The following TMCC3 variants were observed in gnomAD, a reference collection of about 807,000 sequenced individuals.
TMCC3 encodes transmembrane and coiled-coil domain protein 3.
Under a neutral mutation model 40.2 loss-of-function variants are expected in TMCC3, and 28 were observed. That is an observed-to-expected ratio of 0.70 (90% confidence interval 0.52 to 0.95). The LOEUF (loss-of-function observed/expected upper bound fraction) is 0.95, where lower values mean the gene tolerates loss of function less well. TMCC3 is among the 40% of genes least tolerant of loss of function. TMCC3 has a pLI of 0.00. For missense variants in TMCC3, 554 were observed against 615.2 expected (o/e 0.90, Z 1.05); for synonymous variants, 255 against 248.5 (o/e 1.03, Z -0.25).
chr12:94,579,159 C>T (rs1007399167), intron 2 of TMCC3, among the ~76,000 whole-genome samples: 11 of 152,182 alleles, frequency 7.2e-5, no homozygotes, highest in African/African-American at 2.4e-4. Context: ...AACAGAAGTA[C>T]AAAGATTCTC....
intron 1 of TMCC3, among the ~76,000 whole-genome samples, chr12:94,624,727 T>A (rs201584742): frequency 0.1 from 14,693 of 140,714 alleles, 831 homozygotes; most frequent in South Asian, 0.17. Context: ...TAAAAAAAAA[T>A]ATATTGTTCA....
At chr12:94,642,800 T>C (rs1202553689) in intron 1 of TMCC3, among the ~76,000 whole-genome samples, 1 of 152,226 alleles carries the variant, frequency 6.6e-6, no homozygotes, top group Non-Finnish European at 1.5e-5. Context: ...GCTTTACACG[T>C]ACTACACCGT....
chr12:94,615,422 G>A (rs1207553119), intron 1 of TMCC3, among the ~76,000 whole-genome samples: 1 of 152,190 alleles, frequency 6.6e-6, no homozygotes, highest in African/African-American at 2.4e-5. Flanking sequence ...CCCCAACGTG[G>A]GCTGGGCAGC....
In TMCC3 at chr12:94,623,802, G is replaced by A. The variant is rs543458753; in HGVS notation, c.78+26551C>T. Among the ~76,000 whole-genome samples, 55 of 152,350 alleles carry A rather than the reference G, an allele frequency of 3.6e-4. No individual in the cohort carries two copies. In the South Asian group the frequency reaches 0.011, roughly 30 times the overall value. On this transcript the variant is annotated intron_variant, in intron 1 of 3. Transcript: ENST00000261226. The stretch of plus-strand genomic sequence containing the variant: ...TTCCAACCCTGGACCTCATGGTGGG[G>A]AGGACCAGGAAGCTCTGGGTGGCCT...
chr12:94,627,469 G>A (rs1480848433), intron 1 of TMCC3, among the ~76,000 whole-genome samples: 3 of 152,076 alleles, frequency 2.0e-5, no homozygotes, highest in Non-Finnish European at 2.9e-5. Flanking sequence ...CCAACAGCCC[G>A]GGAGATCCTT....
rs1198843313 is a variant in TMCC3, at chr12:94,568,052, A to G, written c.*3383T>C. The G allele has an allele frequency of 1.3e-5, 2 of 152,202 alleles. No homozygotes were observed. The highest frequency in any genetic ancestry group is 6.5e-5 in the Admixed American group (1 of 15,286). 9.4% of individuals were successfully genotyped at this position (152,202 alleles called of 1,614,324 possible). ...CAGAGCTGGAAAGAGCGAAAACCAC[A>G]TGAATGCTAATTGACAGAGAAGGAT... On this transcript the variant is annotated 3_prime_UTR_variant, in exon 4 of 4. Coordinates refer to ENST00000261226, the MANE Select transcript of TMCC3 (RefSeq NM_020698.4).
chr12:94,605,663 C>T (rs868088805), intron 1 of TMCC3, among the ~76,000 whole-genome samples: 128 of 152,318 alleles, frequency 8.4e-4, no homozygotes, highest in African/African-American at 2.8e-3. Context: ...AGGCTCAATA[C>T]TATTCAAACT....
intron 1 of TMCC3, among the ~76,000 whole-genome samples, chr12:94,635,801 G>GGA (rs2138880460): frequency 6.6e-6 from 1 of 151,842 alleles, no homozygotes; most frequent in African/African-American, 2.4e-5. Flanking sequence ...CGAGTAGCTG[G>GGA]GATTACAGGT....
At chr12:94,597,090 G>A (rs1421647302) in intron 1 of TMCC3, among the ~76,000 whole-genome samples, 1 of 132,768 alleles carries the variant, frequency 7.5e-6, no homozygotes, top group African/African-American at 2.8e-5. Flanking sequence ...GACCAGCCTG[G>A]GCAACACAGT....
rs2068726419 is a variant in TMCC3 at position 94,597,587 on chromosome 12, C to G, written c.79-15049G>C. 2.6e-5 allele frequency among the ~76,000 whole-genome samples: 4 copies of G among 152,090 alleles called. 1 individual carries two copies. In the South Asian group the frequency reaches 8.3e-4, roughly 32 times the overall value. On this transcript the variant is annotated intron_variant, in intron 1 of 3. Coordinates refer to ENST00000261226, the MANE Select transcript of TMCC3 (RefSeq NM_020698.4). ...TGGGAGGCTGAGGCAGGTGGATCAC[C>G]TGAGGTCAGGAGTTCGAGACCAGCC... is the stretch of plus-strand genomic sequence containing the variant.
chr12:94,624,395 G>A (rs2068891587), intron 1 of TMCC3, among the ~76,000 whole-genome samples: 1 of 152,156 alleles, frequency 6.6e-6, no homozygotes, highest in Admixed American at 6.5e-5. Context: ...TCCACCAAAT[G>A]TCACATATCC....
chr12:94,622,512 T>G (rs2068880961), intron 1 of TMCC3, among the ~76,000 whole-genome samples: 1 of 152,120 alleles, frequency 6.6e-6, no homozygotes, highest in Admixed American at 6.5e-5. Flanking sequence ...GTAGATGGAT[T>G]TCTTTTTTAA....
At chr12:94,595,339 C>A (rs7970354) in intron 1 of TMCC3, among the ~76,000 whole-genome samples, 64,207 of 151,940 alleles carry the variant, frequency 0.42, 13,734 homozygotes, top group Admixed American at 0.5. Context: ...ATGTGGTCAA[C>A]CATACCCAGC....
chr12:94,590,177 C>T (rs1484421738), intron 1 of TMCC3, among the ~76,000 whole-genome samples: 1 of 148,856 alleles, frequency 6.7e-6, no homozygotes, highest in Non-Finnish European at 1.5e-5. Context: ...TCTCCGCTCA[C>T]TGCAAATTCC....
At position 94,571,512 on chromosome 12, in the gene TMCC3, C is replaced by T. The variant is rs757570806; in HGVS notation, c.1357G>A (p.Val453Met). 48 of 1,613,964 alleles carry T rather than the reference C, an allele frequency of 3.0e-5. No individual in the cohort carries two copies. The highest frequency in any genetic ancestry group is 1.7e-4 in the African/African-American group (13 of 74,912). Residue 453 changes from valine to methionine, a missense_variant, in exon 4 of 4, where the codon GTG (valine) becomes ATG (methionine). Coordinates refer to ENST00000261226, the MANE Select transcript of TMCC3 (RefSeq NM_020698.4). ...TTACAAAATATAGCAAGAAGAGTCA[C>T]GGCAAAGAAGGTGCCAAGAATGTGG... is the stretch of plus-strand genomic sequence containing the variant. ...RCHILGTFFAVTLLAIFCKNW... is the reference protein window; with the variant it reads ...RCHILGTFFAMTLLAIFCKNW...
At chr12:94,626,582 A>G (rs963940178) in intron 1 of TMCC3, among the ~76,000 whole-genome samples, 2 of 152,182 alleles carry the variant, frequency 1.3e-5, no homozygotes, top group African/African-American at 4.8e-5. Context: ...TTAATGCATT[A>G]TTTCTTTCCT....
At chr12:94,633,953 T>A (rs981343029) in intron 1 of TMCC3, among the ~76,000 whole-genome samples, 29 of 150,406 alleles carry the variant, frequency 1.9e-4, no homozygotes, top group Non-Finnish European at 4.3e-4. Flanking sequence ...TTTTTTATTT[T>A]TTTTTTTTTT....
chr12:94,619,971 T>G (rs2068866907), intron 1 of TMCC3, among the ~76,000 whole-genome samples: 1 of 151,976 alleles, frequency 6.6e-6, no homozygotes, highest in South Asian at 2.1e-4. Context: ...CGAGACCAGC[T>G]TGACCAACAT....
At chr12:94,637,649 C>T (rs1296291152) in intron 1 of TMCC3, among the ~76,000 whole-genome samples, 2 of 152,182 alleles carry the variant, frequency 1.3e-5, no homozygotes, top group Admixed American at 1.3e-4. Context: ...GTGAATTTAG[C>T]CTGCTAACAT....
Sources: gnomAD v4.1 joint callset for allele counts (sites outside exome capture counted in the v4.1 genomes callset) on GRCh38, gnomAD v4.1.1 for gene constraint, MANE v1.5 for transcripts, NCBI Gene and HGNC (gene_info 2026-07-23, HGNC 2026-07-21) for gene names.